Variants in CPNE8 observed in about 807,000 individuals in gnomAD.
The protein encoded by CPNE8 is copine 8.
CPNE8 carries 45 observed loss-of-function variants against 81.5 expected under a neutral mutation model. That is an observed-to-expected ratio of 0.55 (90% CI 0.44 to 0.71). The LOEUF (loss-of-function observed/expected upper bound fraction) is 0.71. Among genes scored for constraint, CPNE8 ranks in the 30% least tolerant of loss-of-function variants. The pLI is 0.00. For missense variants in CPNE8, 594 were observed against 672.1 expected (o/e 0.88, Z 1.28); for synonymous variants, 252 against 226.3 (o/e 1.11, Z -1.02).
intron 8 of CPNE8, among the ~76,000 whole-genome samples, chr12:38,762,676 A>T (rs1941596577): frequency 6.6e-6 from 1 of 152,184 alleles, no homozygotes; most frequent in Non-Finnish European, 1.5e-5. Context: ...GAAAAAAGTT[A>T]GGCTAATTTA....
intron 15 of CPNE8, among the ~76,000 whole-genome samples, chr12:38,692,713 T>G (rs1250136070): frequency 3.9e-5 from 6 of 152,196 alleles, no homozygotes; most frequent in African/African-American, 1.4e-4. Flanking sequence ...AAACCTCATT[T>G]AGTTTAACAC....
intron 6 of CPNE8, among the ~76,000 whole-genome samples, chr12:38,806,175 T>C (rs1249092230): frequency 6.7e-6 from 1 of 150,176 alleles, no homozygotes; most frequent in African/African-American, 2.4e-5. Context: ...ACCAGAGGCA[T>C]GAGGAGGAAC....
chr12:38,799,934 T>C (rs1266352599), intron 6 of CPNE8, among the ~76,000 whole-genome samples: 2 of 151,132 alleles, frequency 1.3e-5, no homozygotes, highest in Non-Finnish European at 3.0e-5. Context: ...CACCCGAATA[T>C]TGCGCTTTTC....
intron 14 of CPNE8, 125 bp from the exon 15 acceptor site, chr12:38,693,963 T>C: frequency 1.7e-6 from 1 of 590,518 alleles, no homozygotes; most frequent in Non-Finnish European, 2.7e-6. Context: ...ATACAGTGTG[T>C]CAAATCATTT....
At chr12:38,797,518 G>T (rs947885299) in intron 6 of CPNE8, among the ~76,000 whole-genome samples, 6 of 152,132 alleles carry the variant, frequency 3.9e-5, no homozygotes, top group South Asian at 2.1e-4. Context: ...CTAACAAACA[G>T]AGAGGACATC....
intron 6 of CPNE8, among the ~76,000 whole-genome samples, chr12:38,793,809 C>T (rs1006874377): frequency 6.6e-6 from 1 of 151,972 alleles, no homozygotes; most frequent in Non-Finnish European, 1.5e-5. Flanking sequence ...ACTCACACTT[C>T]AAGATTTCAA....
intron 15 of CPNE8, among the ~76,000 whole-genome samples, chr12:38,688,069 T>C (rs1939574697): frequency 6.6e-6 from 1 of 152,198 alleles, no homozygotes; most frequent in Non-Finnish European, 1.5e-5. Flanking sequence ...TTTGGGCATA[T>C]AAAAATGTAT....
intron 19 of CPNE8, among the ~76,000 whole-genome samples, chr12:38,664,882 A>G (rs922080568): frequency 1.3e-5 from 2 of 152,172 alleles, no homozygotes; most frequent in Non-Finnish European, 2.9e-5. Context: ...CCACAGGTTG[A>G]GAACCACTGT....
chr12:38,655,304 G>T (rs1938793117), intron 19 of CPNE8, among the ~76,000 whole-genome samples: 1 of 152,028 alleles, frequency 6.6e-6, no homozygotes, highest in Non-Finnish European at 1.5e-5. Context: ...CATTTATAAT[G>T]GTTACTTAAG....
chr12:38,683,252 C>A (rs1162983698), intron 16 of CPNE8, among the ~76,000 whole-genome samples: 1 of 151,852 alleles, frequency 6.6e-6, no homozygotes, highest in African/African-American at 2.4e-5. Flanking sequence ...AGCTTTTACC[C>A]ACATAGAAAA....
chr12:38,833,072 A>G (rs114742284), intron 5 of CPNE8, among the ~76,000 whole-genome samples: 1,936 of 151,974 alleles, frequency 0.013, 48 homozygotes, highest in African/African-American at 0.043. Context: ...TTTTGGCTAC[A>G]CCAGGAGCAG....
At chr12:38,737,992 T>G (rs1453059622) in intron 10 of CPNE8, among the ~76,000 whole-genome samples, 1 of 152,154 alleles carries the variant, frequency 6.6e-6, no homozygotes, top group East Asian at 1.9e-4. Context: ...TCTCTGTATT[T>G]CGGGACACCA....
At chr12:38,861,730 T>C (rs1943838895) in intron 3 of CPNE8, among the ~76,000 whole-genome samples, 1 of 152,146 alleles carries the variant, frequency 6.6e-6, no homozygotes, top group Non-Finnish European at 1.5e-5. Flanking sequence ...GTTCTTCAAA[T>C]ATAAAGGACA....
intron 7 of CPNE8, among the ~76,000 whole-genome samples, chr12:38,773,455 T>A (rs1055977472): frequency 1.3e-5 from 2 of 152,122 alleles, no homozygotes; most frequent in African/African-American, 4.8e-5. Flanking sequence ...ACATTAAATA[T>A]GTCCAGTTAT....
intron 19 of CPNE8, among the ~76,000 whole-genome samples, chr12:38,656,902 G>T (rs1938833704): frequency 6.6e-6 from 1 of 152,138 alleles, no homozygotes; most frequent in African/African-American, 2.4e-5. Context: ...AAGCCTTTCA[G>T]GTCCGTTCCA....
chr12:38,754,089 T>A (rs1941408615), intron 10 of CPNE8, among the ~76,000 whole-genome samples: 1 of 152,208 alleles, frequency 6.6e-6, no homozygotes, highest in African/African-American at 2.4e-5. Flanking sequence ...ATTAAATGAC[T>A]TTCAATGTAC....
At chr12:38,767,533 T>C in intron 8 of CPNE8, 102 bp downstream of exon 8, 1 of 674,796 alleles carries the variant, frequency 1.5e-6, no homozygotes, top group Non-Finnish European at 2.3e-6. Flanking sequence ...TCTCAAACTA[T>C]TTTACTTCAT....
rs940890999 is a variant in CPNE8, at chr12:38,799,513, A to T, written c.408-23212T>A. Among the ~76,000 whole-genome samples, 3 of 152,328 alleles carry T rather than the reference A, an allele frequency of 2.0e-5. No homozygotes were observed. In the East Asian group the frequency reaches 5.8e-4, roughly 29 times the overall value. On this transcript the variant is annotated intron_variant, in intron 6 of 19. Transcript: ENST00000331366. Reference sequence around the variant, plus strand: ...TTTAAACCAACGAGAACAAAGACACAACATACCAGAATCTCTGGGACGCAT... The same window carrying T: ...TTTAAACCAACGAGAACAAAGACACTACATACCAGAATCTCTGGGACGCAT...
At chr12:38,778,544 C>A (rs114043196) in intron 6 of CPNE8, among the ~76,000 whole-genome samples, 2 of 152,130 alleles carry the variant, frequency 1.3e-5, no homozygotes, top group African/African-American at 4.8e-5. Flanking sequence ...TTCCCTATTT[C>A]GCCTCAAACT....
Sources: gnomAD v4.1 joint callset for allele counts (sites outside exome capture counted in the v4.1 genomes callset) on GRCh38, gnomAD v4.1.1 for gene constraint, MANE v1.5 for transcripts, NCBI Gene and HGNC (gene_info 2026-07-23, HGNC 2026-07-21) for gene names.